SCAMP4: variants seen among roughly 807,000 people sequenced by gnomAD.
The protein encoded by SCAMP4 is secretory carrier-associated membrane protein 4.
SCAMP4 carries 19 observed loss-of-function variants against 32.1 expected under a neutral mutation model. That is an observed-to-expected ratio of 0.59 (90% CI 0.41 to 0.87). SCAMP4 has a LOEUF of 0.87. Among genes scored for constraint, SCAMP4 ranks in the 40% least tolerant of loss-of-function variants. The pLI is 0.00. For missense variants in SCAMP4, 302 were observed against 309.0 expected (o/e 0.98, Z 0.17); for synonymous variants, 152 against 132.7 (o/e 1.15, Z -1.00).
chr19:1,923,844 C>G (rs1182951127), intron 6 of SCAMP4, among the ~76,000 whole-genome samples: 1 of 148,472 alleles, frequency 6.7e-6, no homozygotes, highest in Non-Finnish European at 1.5e-5. Context: ...CCAGGATGGT[C>G]TCAATCTCCT....
intron 5 of SCAMP4, chr19:1,920,874 C>A (rs1160714876): frequency 2.0e-6 from 2 of 985,398 alleles, no homozygotes; most frequent in East Asian, 2.3e-4. Context: ...ATGTGACCCT[C>A]AGAGACCTCC....
rs551903903 is a variant in SCAMP4, at chr19:1,905,499, T to C, written c.-42+60T>C. The C allele has an allele frequency of 2.6e-4, 110 of 417,716 alleles. 2 individuals are homozygous for C. Among genetic ancestry groups the C allele is most frequent in the South Asian group, 1.6e-3 (97 of 59,822 alleles). The allele number at this position is 417,716 out of a possible 1,614,324, so 25.9% of individuals were successfully genotyped here. The stretch of plus-strand genomic sequence containing the variant: ...GGCTCAGACTTCCCCAGAGGGGGAG[T>C]AGGGGCTGACATGGGGGGTCTCGGC... On this transcript the variant is annotated intron_variant, in intron 1 of 6. Coordinates refer to ENST00000316097, the MANE Select transcript of SCAMP4 (RefSeq NM_079834.4).
In SCAMP4 at chr19:1,924,931, C is replaced by T. The variant is rs1361194137; in HGVS notation, c.*647C>T. ...TATCCTGGGGCCACCCTCCCTGCCT[C>T]CAAAACAGGGATCCCTGGCAGGCTG... On this transcript the variant is annotated 3_prime_UTR_variant, in exon 7 of 7. Coordinates refer to ENST00000316097, the MANE Select transcript of SCAMP4 (RefSeq NM_079834.4). The T allele has an allele frequency of 3.3e-5, 5 of 152,648 alleles. No individual in the cohort carries two copies. The highest frequency in any genetic ancestry group is 5.8e-5 in the Non-Finnish European group (4 of 68,420). The allele number at this position is 152,648 out of a possible 1,614,324, so 9.5% of individuals were successfully genotyped here.
chr19:1,921,127 C>T (rs1019614029), intron 5 of SCAMP4: 14 of 985,344 alleles, frequency 1.4e-5, no homozygotes, highest in Admixed American at 6.1e-5. Flanking sequence ...CTTAGTGAGG[C>T]CCCACGCTCA....
At chr19:1,907,437 G>A (rs938474574) in intron 1 of SCAMP4, among the ~76,000 whole-genome samples, 3 of 152,052 alleles carry the variant, frequency 2.0e-5, no homozygotes, top group Non-Finnish European at 4.4e-5. Flanking sequence ...TCACAGGGGT[G>A]GAAGCCGAGG....
chr19:1,918,348 C>T (rs2013805992), intron 4 of SCAMP4, 65 bp downstream of exon 4: 3 of 1,454,092 alleles, frequency 2.1e-6, no homozygotes, highest in South Asian at 1.4e-5. Context: ...GCACCCCAGT[C>T]CCAGCCCAGC....
At chr19:1,914,333 C>T (rs1411883469) in intron 1 of SCAMP4, among the ~76,000 whole-genome samples, 1 of 152,164 alleles carries the variant, frequency 6.6e-6, no homozygotes, top group African/African-American at 2.4e-5. Flanking sequence ...CTCACCTGGA[C>T]TGTGGGCGGG....
At position 1,908,665 on chromosome 19, in the gene SCAMP4, T is replaced by C; in HGVS notation, c.-42+3226T>C. On this transcript the variant is annotated intron_variant, in intron 1 of 6. Transcript: ENST00000316097. The surrounding 1 kb of genome is among the most constrained non-coding windows in gnomAD (Gnocchi z 4.2). ...TAAGGTTTTTAGGATTTTATTATTA[T>C]TTATTTATTTGAAAAAAGGAACAGG... 1 of 440,756 alleles carries C rather than the reference T, an allele frequency of 2.3e-6. No homozygotes were observed. The highest frequency in any genetic ancestry group is 4.6e-6 in the Non-Finnish European group (1 of 216,430). 27.3% of individuals were successfully genotyped at this position (440,756 alleles called of 1,614,324 possible).
intron 1 of SCAMP4, chr19:1,912,104 C>A: frequency 6.6e-7 from 1 of 1,509,250 alleles, no homozygotes. Context: ...GGATGGAGCC[C>A]GCCCCGGGCC....
intron 5 of SCAMP4, 148 bp downstream of exon 5, chr19:1,919,138 C>T (rs1169588188): frequency 3.4e-6 from 5 of 1,456,762 alleles, no homozygotes; most frequent in South Asian, 1.4e-5. Flanking sequence ...ACCCTGGCAG[C>T]GCCCGCGTCC....
At chr19:1,914,872 C>G in intron 1 of SCAMP4, 107 bp from the exon 2 acceptor site, 1 of 913,164 alleles carries the variant, frequency 1.1e-6, no homozygotes, top group Non-Finnish European at 1.8e-6. Flanking sequence ...ACTGCTGTTT[C>G]CAGAGCACAG....
chr19:1,917,326 A>C (rs1040108630), intron 2 of SCAMP4, among the ~76,000 whole-genome samples: 4 of 152,226 alleles, frequency 2.6e-5, no homozygotes, highest in Non-Finnish European at 5.9e-5. Context: ...TCATAAACTT[A>C]GTTCCTTAAA....
rs199915192 is a variant in SCAMP4, at chr19:1,912,164, G to A, written c.-41-2815G>A. 5.2e-3 allele frequency: 8,202 copies of A among 1,572,282 alleles called. 23 individuals are homozygous for A. Among genetic ancestry groups the A allele is most frequent in the Non-Finnish European group, 6.5e-3 (7,544 of 1,164,086 alleles). On this transcript the variant is annotated intron_variant, in intron 1 of 6. Transcript: ENST00000316097. ...AGGCCGGGAGCCCGGAGCCTGAGCC[G>A]GCGCCGTGGCAGGCCCTCCCTGTCC...
chr19:1,920,293 A>G (rs572716328), intron 5 of SCAMP4: 2 of 985,260 alleles, frequency 2.0e-6, no homozygotes, highest in South Asian at 9.4e-5. Flanking sequence ...GGCTCCCATT[A>G]GCAAGCTCCT....
In SCAMP4 at chr19:1,924,572, G is replaced by A. The variant is rs1026936452; in HGVS notation, c.*288G>A. ...TGTGGTCACCCGCCGTCCACTGCAC[G>A]GCTGGTACGGCCTTGTCTTCAGGTC... On this transcript the variant is annotated 3_prime_UTR_variant, in exon 7 of 7. Transcript: ENST00000316097. 7.8e-5 allele frequency: 35 copies of A among 446,622 alleles called. No individual in the cohort carries two copies. The highest frequency in any genetic ancestry group is 1.2e-4 in the East Asian group (3 of 24,910). The allele number at this position is 446,622 out of a possible 1,614,324, so 27.7% of individuals were successfully genotyped here.
intron 5 of SCAMP4, 167 bp downstream of exon 5, chr19:1,919,157 G>A (rs917274666): frequency 1.4e-5 from 20 of 1,442,500 alleles, no homozygotes; most frequent in Admixed American, 8.1e-5. Flanking sequence ...CCTCGCCAGC[G>A]CCCGCGTCCT....
intron 1 of SCAMP4, among the ~76,000 whole-genome samples, chr19:1,913,861 G>C (rs1455401924): frequency 6.6e-6 from 1 of 152,244 alleles, no homozygotes; most frequent in Non-Finnish European, 1.5e-5. Flanking sequence ...GACCATGTGG[G>C]TGCAGCTTTG....
chr19:1,909,019 C>T (rs1028930846), intron 1 of SCAMP4, among the ~76,000 whole-genome samples: 1 of 151,636 alleles, frequency 6.6e-6, no homozygotes, highest in Non-Finnish European at 1.5e-5. Context: ...GCAGGAGAAT[C>T]GCTTGAACCT....
rs572977753 is a variant in SCAMP4 at position 1,924,270 on chromosome 19, G to A, written c.676G>A (p.Gly226Ser). Residue 226 changes from glycine (G) to serine (S), a missense_variant, in exon 7 of 7, where the codon GGC (glycine) becomes AGC (serine). Physicochemically the swap from Gly to Ser is moderately conservative, Grantham distance 56. Transcript: ENST00000316097. ...CACTGTGCCCAGCTACCCGGGCAGT[G>A]GCCAGTGGCCTTAGAGGGAGCCTGC... ...YPTVPSYPGSGQWP is the reference protein window; with the variant it reads ...YPTVPSYPGSSQWP 34 of 1,594,782 alleles carry A rather than the reference G, an allele frequency of 2.1e-5. No homozygotes were observed. The East Asian group carries it at 7.5e-4, about 35-fold the overall frequency.
Sources: gnomAD v4.1 joint callset for allele counts (sites outside exome capture counted in the v4.1 genomes callset) on GRCh38, gnomAD v4.1.1 for gene constraint, Gnocchi (gnomAD v3.1) non-coding constraint, MANE v1.5 for transcripts, NCBI Gene and HGNC (gene_info 2026-07-23, HGNC 2026-07-21) for gene names.